The following DNAAF4 variants were observed in gnomAD, a reference collection of about 807,000 sequenced individuals.
DNAAF4 encodes the protein dynein axonemal assembly factor 4.
DNAAF4 carries 43 observed loss-of-function variants against 51.8 expected under a neutral mutation model. The observed-to-expected ratio is 0.83, with a 90% CI of 0.65 to 1.07. The LOEUF is 1.07. Among genes scored for constraint, DNAAF4 ranks in the 50% least tolerant of loss-of-function variants. DNAAF4 has a pLI of 0.00. For synonymous variants in DNAAF4, 194 were observed against 165.6 expected, an observed-to-expected ratio of 1.17 and a Z score of -1.32; for missense variants, 581 against 493.0, an observed-to-expected ratio of 1.18 and a Z score of -1.69.
intron 5 of DNAAF4, among the ~76,000 whole-genome samples, chr15:55,458,482 C>CAAAGAAAA (rs1269775464): frequency 1.9e-4 from 29 of 151,922 alleles, no homozygotes; most frequent in Admixed American, 1.2e-3. Flanking sequence ...CCCAATCCAA[C>CAAAGAAAA]AAAGACAAAG....
intron 4 of DNAAF4, among the ~76,000 whole-genome samples, chr15:55,468,028 C>G (rs887646097): frequency 6.6e-6 from 1 of 152,128 alleles, no homozygotes; most frequent in African/African-American, 2.4e-5. Context: ...TCTGTGCTAT[C>G]CAATATAGTA....
chr15:55,418,553 A>C, intron 7 of DNAAF4: 1 of 1,471,180 alleles, frequency 6.8e-7, no homozygotes, highest in Non-Finnish European at 9.1e-7. Flanking sequence ...TTTTCCTAAT[A>C]TTCAACACAC....
At chr15:55,459,304 G>A (rs1038437380) in intron 5 of DNAAF4, among the ~76,000 whole-genome samples, 3 of 152,050 alleles carry the variant, frequency 2.0e-5, no homozygotes, top group African/African-American at 7.2e-5. Flanking sequence ...ACAAACAAAT[G>A]CTGAATTTGT....
chr15:55,471,439 T>G (rs1223782742), intron 4 of DNAAF4, among the ~76,000 whole-genome samples: 1 of 152,066 alleles, frequency 6.6e-6, no homozygotes, highest in African/African-American at 2.4e-5. Context: ...TTTTAGGAGC[T>G]CTATGCTAAT....
chr15:55,432,492 C>A lies in DNAAF4; in HGVS notation c.1153+5G>T. ...GGACTTAAACCATTTCTATCAATTC[C>A]TTACCTTCTACATACAATTCTAGTT... On this transcript the variant is annotated splice_donor_5th_base_variant and intron_variant, in intron 9 of 9. Coordinates refer to ENST00000321149, the MANE Select transcript of DNAAF4 (RefSeq NM_130810.4). 6.2e-7 allele frequency: 1 copy of A among 1,606,808 alleles called. No individual in the cohort carries two copies. Among genetic ancestry groups the A allele is most frequent in the Non-Finnish European group, 8.5e-7 (1 of 1,175,722 alleles).
chr15:55,449,334 A>G (rs928162574), intron 6 of DNAAF4, among the ~76,000 whole-genome samples: 1 of 151,634 alleles, frequency 6.6e-6, no homozygotes, highest in Non-Finnish European at 1.5e-5. Flanking sequence ...AATTTTTCAA[A>G]TCAAAGATGC....
Position 55,491,573 on chromosome 15 carries a change from TC to T in DNAAF4, c.272-318del, listed in dbSNP as rs61707277. Among the ~76,000 whole-genome samples, 6,187 of 148,996 alleles carry T rather than the reference TC, an allele frequency of 0.042. 446 individuals are homozygous for T. Among genetic ancestry groups the T allele is most frequent in the African/African-American group, 0.15 (5,967 of 40,376 alleles). ...GCAAGGACACATTTATCCTCTTCCTTCTCTGTTAAGAAACTAGGGCTATTTG... is the reference window on the plus strand; with the variant it reads ...GCAAGGACACATTTATCCTCTTCCTTTCTGTTAAGAAACTAGGGCTATTTG... On this transcript the variant is annotated intron_variant, in intron 3 of 9. Coordinates refer to ENST00000321149, the MANE Select transcript of DNAAF4 (RefSeq NM_130810.4).
chr15:55,443,291 T>C (rs2057743695), intron 6 of DNAAF4: 1 of 1,442,336 alleles, frequency 6.9e-7, no homozygotes, highest in South Asian at 1.2e-5. Flanking sequence ...GGCAGGCGCC[T>C]GCCTACCGGT....
downstream of DNAAF4, among the ~76,000 whole-genome samples, chr15:55,428,950 G>C (rs528190902): frequency 4.0e-5 from 6 of 151,504 alleles, no homozygotes; most frequent in African/African-American, 1.2e-4. Flanking sequence ...GGCCAGGCGC[G>C]GGGGGTCTTG....
At chr15:55,501,707 A>G (rs552206108) in intron 1 of DNAAF4, among the ~76,000 whole-genome samples, 26 of 150,944 alleles carry the variant, frequency 1.7e-4, no homozygotes, top group Non-Finnish European at 1.3e-4. Context: ...AAAAGCACTC[A>G]TTAGGGAGGC....
intron 6 of DNAAF4, among the ~76,000 whole-genome samples, chr15:55,449,991 G>A (rs1012380367): frequency 4.6e-5 from 7 of 152,006 alleles, no homozygotes; most frequent in East Asian, 3.9e-4. Flanking sequence ...GAGCCACTGC[G>A]CCCGGCCTAC....
intron 5 of DNAAF4, among the ~76,000 whole-genome samples, chr15:55,456,275 T>C (rs1033369765): frequency 1.3e-5 from 2 of 151,960 alleles, no homozygotes; most frequent in African/African-American, 4.8e-5. Flanking sequence ...AGAGACAGGG[T>C]TTCTCCATGT....
At chr15:55,429,408 T>C (rs1279788151), downstream of DNAAF4, among the ~76,000 whole-genome samples, 1 of 148,932 alleles carries the variant, frequency 6.7e-6, no homozygotes, top group East Asian at 2.0e-4. Context: ...TCTCAGCTAC[T>C]CAGGAGGCCT....
At chr15:55,450,048 A>G (rs1419266063) in intron 6 of DNAAF4, among the ~76,000 whole-genome samples, 174 bp downstream of exon 6, 1 of 152,168 alleles carries the variant, frequency 6.6e-6, no homozygotes, top group Non-Finnish European at 1.5e-5. Flanking sequence ...TCTGGAGCCA[A>G]AAACATCTGC....
At chr15:55,455,301 C>A (rs1462878909) in intron 5 of DNAAF4, among the ~76,000 whole-genome samples, 5 of 145,406 alleles carry the variant, frequency 3.4e-5, no homozygotes, top group African/African-American at 5.1e-5. Flanking sequence ...ACAATCTAGA[C>A]AAGAACAGTA....
chr15:55,434,886 C>G lies in DNAAF4; in HGVS notation c.1047+19G>C, dbSNP rs1595891917. 1 of 1,582,926 alleles carries G rather than the reference C, an allele frequency of 6.3e-7. No homozygotes were observed. Among genetic ancestry groups the G allele is most frequent in the Non-Finnish European group, 8.6e-7 (1 of 1,168,188 alleles). On this transcript the variant is annotated intron_variant, in intron 8 of 9. Transcript: ENST00000321149. ...AGGATATATTTAAAGCACCATATAT[C>G]ATACATAGATATCCATACCTTAGAA...
intron 4 of DNAAF4, among the ~76,000 whole-genome samples, chr15:55,484,974 C>G (rs933177774): frequency 1.3e-5 from 2 of 152,180 alleles, no homozygotes; most frequent in Admixed American, 1.3e-4. Context: ...TTTGGCAACA[C>G]CCTCGCAGAC....
chr15:55,487,015 C>T (rs2058499174), intron 4 of DNAAF4, among the ~76,000 whole-genome samples: 1 of 152,118 alleles, frequency 6.6e-6, no homozygotes, highest in South Asian at 2.1e-4. Context: ...AAGACAAACT[C>T]AACTAATTTT....
At chr15:55,501,618 A>G (rs1365963864) in intron 1 of DNAAF4, among the ~76,000 whole-genome samples, 245 of 137,094 alleles carry the variant, frequency 1.8e-3, no homozygotes, top group Middle Eastern at 0.015. Flanking sequence ...CTCGTGATCA[A>G]CCCACCTCGG....
Sources: allele counts gnomAD v4.1 joint callset (sites outside exome capture counted in the v4.1 genomes callset), GRCh38; gene constraint gnomAD v4.1.1; transcripts MANE v1.5; gene names NCBI Gene and HGNC (gene_info 2026-07-23, HGNC 2026-07-21).